Variants in BRWD3 observed in about 807,000 individuals in gnomAD.
BRWD3 encodes bromodomain and WD repeat-containing protein 3.
A neutral mutation model predicts 149.7 loss-of-function variants in BRWD3; 10 were observed. The observed-to-expected ratio is 0.07, with a 90% CI of 0.04 to 0.11. The LOEUF (loss-of-function observed/expected upper bound fraction) is 0.11, where lower values mean the gene tolerates loss of function less well. Among genes scored for constraint, BRWD3 ranks in the 10% least tolerant of loss-of-function variants. BRWD3 has a pLI of 1.00. For synonymous variants in BRWD3, 504 were observed against 456.7 expected (o/e 1.10, Z -1.32); for missense variants, 940 against 1,373.2 (o/e 0.68, Z 4.99).
chrX:80,718,201 A>AT (rs756701423), intron 18 of BRWD3, among the ~76,000 whole-genome samples: 1 of 111,762 alleles, frequency 8.9e-6, no homozygotes, highest in African/African-American at 3.2e-5. Context: ...GTAAATAAAT[A>AT]TTTTTTTAAA....
In BRWD3 at chrX:80,763,937, G is replaced by A. The variant is rs572962527; in HGVS notation, c.431-18208C>T. 2.7e-5 allele frequency among the ~76,000 whole-genome samples: 3 copies of A among 112,125 alleles called. No homozygotes were observed. In the South Asian group the frequency reaches 1.1e-3, roughly 41 times the overall value. On this transcript the variant is annotated intron_variant, in intron 6 of 40. Coordinates refer to ENST00000373275, the MANE Select transcript of BRWD3 (RefSeq NM_153252.5). ...AACAATCTTTACAAAACTAAAGTGAGAGGGAGTCTTCTTCCCAATGTTAAG... is the reference window on the plus strand; with the variant it reads ...AACAATCTTTACAAAACTAAAGTGAAAGGGAGTCTTCTTCCCAATGTTAAG...
intron 17 of BRWD3, among the ~76,000 whole-genome samples, chrX:80,720,964 A>G (rs1302622428): frequency 1.8e-5 from 2 of 112,328 alleles, no homozygotes; most frequent in Non-Finnish European, 3.8e-5. Flanking sequence ...GCTATGCCAT[A>G]TAAGAGTTTT....
chrX:80,757,290 A>G (rs987741262), intron 6 of BRWD3, among the ~76,000 whole-genome samples: 1 of 112,053 alleles, frequency 8.9e-6, no homozygotes. Context: ...AAAACTCATT[A>G]AAACAGGGCA....
At chrX:80,718,573 T>C in intron 18 of BRWD3, among the ~76,000 whole-genome samples, 1 of 112,021 alleles carries the variant, frequency 8.9e-6, no homozygotes, top group Non-Finnish European at 1.9e-5. Flanking sequence ...AGCCCACTTG[T>C]CATCTTGTTC....
At chrX:80,699,421 G>A (rs1203456384) in intron 25 of BRWD3, among the ~76,000 whole-genome samples, 2 of 110,618 alleles carry the variant, frequency 1.8e-5, no homozygotes, top group East Asian at 5.7e-4. Context: ...ATGTGCATGT[G>A]TGCATATATA....
chrX:80,779,943 C>G (rs1056400527), intron 6 of BRWD3, among the ~76,000 whole-genome samples: 38 of 111,432 alleles, frequency 3.4e-4, no homozygotes, highest in African/African-American at 1.1e-3. Flanking sequence ...GGCCATTGAA[C>G]ATCTTTTTGC....
intron 4 of BRWD3, among the ~76,000 whole-genome samples, chrX:80,806,985 G>A (rs897771627): frequency 1.8e-5 from 2 of 111,414 alleles, no homozygotes; most frequent in Non-Finnish European, 3.8e-5. Flanking sequence ...AATCTCCTTT[G>A]CCACTTGCTT....
rs1195200918 is a variant in BRWD3, at chrX:80,676,994, C to T, written c.5024G>A (p.Arg1675Lys). 3 of 1,210,023 alleles carry T rather than the reference C, an allele frequency of 2.5e-6. No individual in the cohort carries two copies. Among genetic ancestry groups the T allele is most frequent in the Non-Finnish European group, 3.4e-6 (3 of 894,058 alleles). ...ACTCCATCTACCCCATCTTCCCCAT[C>T]TGCCTCTTCCTCCTGTGCCTCTGGT... is the stretch of plus-strand genomic sequence containing the variant. ...WKTRGTGGRG[R>K]WGRWGRWSRG... Residue 1675 changes from arginine to lysine, a missense_variant, in exon 41 of 41, where the codon AGA becomes AAA. Around this residue, in one of 6 missense-constraint regions of BRWD3, gnomAD observed 349 missense variants for 419.6 expected, o/e 0.83. Coordinates refer to ENST00000373275, the MANE Select transcript of BRWD3 (RefSeq NM_153252.5).
chrX:80,698,369 T>C (rs972537816), intron 25 of BRWD3, among the ~76,000 whole-genome samples: 2 of 111,947 alleles, frequency 1.8e-5, no homozygotes, highest in African/African-American at 6.5e-5. Flanking sequence ...TTTTACCACA[T>C]ATAAGCTGCT....
rs2073843488 is a variant in BRWD3 at position 80,765,046 on chromosome X, C to T, written c.431-19317G>A. 2.7e-5 allele frequency among the ~76,000 whole-genome samples: 3 copies of T among 111,656 alleles called. No individual in the cohort carries two copies. In the South Asian group the frequency reaches 1.1e-3, roughly 42 times the overall value. Reference sequence around the variant, plus strand: ...GAATTAAGTGGTAAAAACAGAGTGACATCACCCACTATTACTTAGTTGCCC... The same window carrying T: ...GAATTAAGTGGTAAAAACAGAGTGATATCACCCACTATTACTTAGTTGCCC... On this transcript the variant is annotated intron_variant, in intron 6 of 40. Coordinates refer to ENST00000373275, the MANE Select transcript of BRWD3 (RefSeq NM_153252.5).
intron 22 of BRWD3, among the ~76,000 whole-genome samples, chrX:80,706,260 C>A: frequency 9.0e-6 from 1 of 110,682 alleles, no homozygotes; most frequent in East Asian, 2.8e-4. Flanking sequence ...AGGCCTCTGC[C>A]ACCACATCCG....
intron 1 of BRWD3, 65 bp from the exon 2 acceptor site, chrX:80,809,369 A>C (rs2074385480): frequency 7.0e-6 from 8 of 1,146,919 alleles, no homozygotes; most frequent in Non-Finnish European, 7.0e-6. Context: ...GCTTTTTCAA[A>C]AGAAACTGAC....
In BRWD3 at chrX:80,673,123, G is replaced by A. The variant is rs963786326; in HGVS notation, c.*3486C>T. The A allele has an allele frequency of 3.6e-5, 4 of 111,601 alleles. No homozygotes were observed. The highest frequency in any genetic ancestry group is 9.5e-5 in the Admixed American group (1 of 10,501). The allele number at this position is 111,601 out of a possible 1,213,427, so 9.2% of individuals were successfully genotyped here. On this transcript the variant is annotated 3_prime_UTR_variant, in exon 41 of 41. Coordinates refer to ENST00000373275, the MANE Select transcript of BRWD3 (RefSeq NM_153252.5). Reference sequence around the variant, plus strand: ...CAACAAAAAGATAAATAACAGAAACGTACTTAAAAGTATTAGAAGGCTGAG... The same window carrying A: ...CAACAAAAAGATAAATAACAGAAACATACTTAAAAGTATTAGAAGGCTGAG...
chrX:80,693,063 T>C lies in BRWD3; in HGVS notation c.3152-12A>G. 1 of 1,132,762 alleles carries C rather than the reference T, an allele frequency of 8.8e-7. No individual in the cohort carries two copies. The highest frequency in any genetic ancestry group is 1.2e-6 in the Non-Finnish European group (1 of 823,375). 93.4% of individuals were successfully genotyped at this position (1,132,762 alleles called of 1,213,427 possible). A position where few individuals can be genotyped will look rare whatever the true frequency, so the allele number is the denominator to read the frequency against. On this transcript the variant is annotated splice_polypyrimidine_tract_variant and intron_variant, in intron 27 of 40. Transcript: ENST00000373275. ...GCGGAATCTATCACCTATAATGTTT[T>C]AAAATTCTTAAAAGGATGCTCTTGA...
At chrX:80,710,051 T>A (rs2072937409) in intron 20 of BRWD3, 1 of 1,065,034 alleles carries the variant, frequency 9.4e-7, no homozygotes, top group Non-Finnish European at 1.3e-6. Context: ...CCATGCAGTA[T>A]TGGTTGCATT....
chrX:80,676,329 T>C lies in BRWD3; in HGVS notation c.*280A>G. On this transcript the variant is annotated 3_prime_UTR_variant, in exon 41 of 41. Coordinates refer to ENST00000373275, the MANE Select transcript of BRWD3 (RefSeq NM_153252.5). ...GTAAATCTGTAGTGTCTGTGTTGTGTTTCGTGTGTGTGTGTCTGTGTGTGT... is the reference window on the plus strand; with the variant it reads ...GTAAATCTGTAGTGTCTGTGTTGTGCTTCGTGTGTGTGTGTCTGTGTGTGT... 3.3e-6 allele frequency: 1 copy of C among 304,230 alleles called. No homozygotes were observed. The highest frequency in any genetic ancestry group is 5.8e-5 in the South Asian group (1 of 17,197). The allele number at this position is 304,230 out of a possible 1,213,427, so 25.1% of individuals were successfully genotyped here.
At position 80,701,761 on chromosome X, in the gene BRWD3, T is replaced by C. The variant is rs755750417; in HGVS notation, c.2836-1697A>G. ...AATTGTAAGGGTTAAAAACCAATAA[T>C]ACACGTCATTAAGATATCCTTTATT... On this transcript the variant is annotated intron_variant, in intron 24 of 40. Transcript: ENST00000373275. 3.2e-3 allele frequency among the ~76,000 whole-genome samples: 347 copies of C among 108,715 alleles called. 1 individual carries two copies. The highest frequency in any genetic ancestry group is 0.011 in the African/African-American group (329 of 30,238). The allele number at this position is 108,715 out of a possible 115,157, so 94.4% of individuals were successfully genotyped here. A position where few individuals can be genotyped will look rare whatever the true frequency, so the allele number is the denominator to read the frequency against.
chrX:80,733,168 A>G, intron 12 of BRWD3: 1 of 221,121 alleles, frequency 4.5e-6, no homozygotes, highest in Non-Finnish European at 8.0e-6. Flanking sequence ...ACTGGCAGAG[A>G]TGGACAGGTC....
intron 6 of BRWD3, among the ~76,000 whole-genome samples, chrX:80,789,476 C>T (rs1191042104): frequency 2.7e-5 from 3 of 111,757 alleles, no homozygotes; most frequent in Non-Finnish European, 3.8e-5. Flanking sequence ...CCCGGGTTCA[C>T]GCCATTCTCC....
Sources: allele counts gnomAD v4.1 joint callset (sites outside exome capture counted in the v4.1 genomes callset), GRCh38; gene constraint gnomAD v4.1.1; regional missense constraint gnomAD v4.1.1; transcripts MANE v1.5; gene names NCBI Gene and HGNC (gene_info 2026-07-23, HGNC 2026-07-21).